Variants in SPTLC1 observed in about 807,000 individuals in gnomAD.
SPTLC1 encodes serine palmitoyltransferase 1.
Under a neutral mutation model 68.9 loss-of-function variants are expected in SPTLC1, and 55 were observed. That is an observed-to-expected ratio of 0.80 (90% confidence interval 0.64 to 1.00). The LOEUF (loss-of-function observed/expected upper bound fraction) is 1.00, where lower values mean the gene tolerates loss of function less well. SPTLC1 is among the 50% of genes least tolerant of loss of function. The pLI is 0.00. For synonymous variants in SPTLC1, 197 were observed against 201.6 expected, an observed-to-expected ratio of 0.98 and a Z score of 0.19; for missense variants, 449 against 573.1, an observed-to-expected ratio of 0.78 and a Z score of 2.21.
chr9:92,057,585 C>T (rs551454846), intron 7 of SPTLC1, among the ~76,000 whole-genome samples: 1 of 152,210 alleles, frequency 6.6e-6, no homozygotes, highest in Non-Finnish European at 1.5e-5. Flanking sequence ...CTATTTTTCA[C>T]TTGTTCATAG....
intron 6 of SPTLC1, among the ~76,000 whole-genome samples, chr9:92,065,521 T>TAA (rs548936800): frequency 6.8e-6 from 1 of 146,068 alleles, no homozygotes; most frequent in Admixed American, 6.8e-5. Flanking sequence ...TCCTAGCAGT[T>TAA]AAAAAAAAAA....
At chr9:92,091,953 G>C (rs964158219) in intron 3 of SPTLC1, among the ~76,000 whole-genome samples, 2 of 152,220 alleles carry the variant, frequency 1.3e-5, no homozygotes, top group East Asian at 3.9e-4. Flanking sequence ...CATTCAAAAC[G>C]ATGTAAAAAT....
chr9:92,104,972 C>A, intron 3 of SPTLC1: 1 of 1,533,198 alleles, frequency 6.5e-7, no homozygotes, highest in Non-Finnish European at 8.7e-7. Context: ...GCCTGACCCA[C>A]TTCCAACAGT....
At chr9:92,075,478 C>T (rs1488651273) in intron 5 of SPTLC1, among the ~76,000 whole-genome samples, 3 of 152,182 alleles carry the variant, frequency 2.0e-5, no homozygotes, top group African/African-American at 7.2e-5. Context: ...CGCTTCCCGA[C>T]TCCTCCCAAC....
intron 12 of SPTLC1, among the ~76,000 whole-genome samples, chr9:92,043,977 T>C (rs571757096): frequency 1.3e-5 from 2 of 152,236 alleles, no homozygotes; most frequent in East Asian, 3.9e-4. Flanking sequence ...TTGGCCTCTT[T>C]GCTATTTTGT....
intron 6 of SPTLC1, among the ~76,000 whole-genome samples, chr9:92,065,580 A>G (rs1834249914): frequency 6.6e-6 from 1 of 152,160 alleles, no homozygotes; most frequent in African/African-American, 2.4e-5. Flanking sequence ...ACCAGTAACC[A>G]TCAACTTTTT....
chr9:92,072,957 C>A (rs543162841), intron 5 of SPTLC1, among the ~76,000 whole-genome samples: 1 of 151,878 alleles, frequency 6.6e-6, no homozygotes, highest in African/African-American at 2.4e-5. Flanking sequence ...CTTTCTCCCC[C>A]CAACCCACCT....
In SPTLC1 at chr9:92,031,650, T is replaced by C. The variant is rs1832968637; in HGVS notation, c.*815A>G. The C allele has an allele frequency of 6.6e-6, 1 of 152,540 alleles. No individual in the cohort carries two copies. The highest frequency in any genetic ancestry group is 1.5e-5 in the Non-Finnish European group (1 of 68,014). 9.4% of individuals were successfully genotyped at this position (152,540 alleles called of 1,614,324 possible). A position where few individuals can be genotyped will look rare whatever the true frequency, so the allele number is the denominator to read the frequency against. ...AAAAAGGAATACATTTGAGATATTC[T>C]AAAATATAAAGGATATGATTTATAT... On this transcript the variant is annotated 3_prime_UTR_variant, in exon 15 of 15. Coordinates refer to ENST00000262554, the MANE Select transcript of SPTLC1 (RefSeq NM_006415.4).
intron 2 of SPTLC1, chr9:92,109,250 C>T (rs1475180887): frequency 1.5e-5 from 3 of 203,830 alleles, no homozygotes; most frequent in East Asian, 1.1e-4. Context: ...AAAAGGCCTC[C>T]GATACAGGAT....
chr9:92,039,987 A>G (rs929522544), intron 12 of SPTLC1, among the ~76,000 whole-genome samples: 5 of 152,074 alleles, frequency 3.3e-5, no homozygotes, highest in Non-Finnish European at 5.9e-5. Context: ...CACTTTGAAA[A>G]CCCATTTCCT....
At position 92,071,465 on chromosome 9, in the gene SPTLC1, T is replaced by C. The variant is rs545555654; in HGVS notation, c.428-3367A>G. On this transcript the variant is annotated intron_variant, in intron 5 of 14. Coordinates refer to ENST00000262554, the MANE Select transcript of SPTLC1 (RefSeq NM_006415.4). The stretch of plus-strand genomic sequence containing the variant: ...TGCACAATTTTTCTTCTTAAGAGTA[T>C]AAGTGATAGCCCTTAGGTACTCACT... 4.6e-5 allele frequency among the ~76,000 whole-genome samples: 7 copies of C among 152,312 alleles called. No individual in the cohort carries two copies. In the South Asian group the frequency reaches 1.2e-3, roughly 27 times the overall value.
intron 5 of SPTLC1, among the ~76,000 whole-genome samples, chr9:92,073,692 G>A (rs1198963613): frequency 1.3e-5 from 2 of 152,128 alleles, no homozygotes; most frequent in Non-Finnish European, 2.9e-5. Context: ...TTAGAGTCTG[G>A]CCCTCAAACC....
chr9:92,046,155 C>T lies in SPTLC1; in HGVS notation c.1082-102G>A, dbSNP rs1833506975. The T allele has an allele frequency of 3.0e-5, 30 of 994,888 alleles. No homozygotes were observed. In the South Asian group the frequency reaches 3.2e-4, roughly 10 times the overall value. The allele number at this position is 994,888 out of a possible 1,614,324, so 61.6% of individuals were successfully genotyped here. On this transcript the variant is annotated intron_variant, in intron 11 of 14. Transcript: ENST00000262554. ...AGATCAAGTTCATCAATTTAAAATG[C>T]TACAAATCCTTCTACATACTAACAG...
intron 3 of SPTLC1, among the ~76,000 whole-genome samples, chr9:92,088,389 G>A (rs1250467509): frequency 1.3e-5 from 2 of 152,184 alleles, no homozygotes; most frequent in Non-Finnish European, 2.9e-5. Context: ...GGCTATCTTG[G>A]CTGCCCTCCG....
intron 6 of SPTLC1, among the ~76,000 whole-genome samples, chr9:92,062,694 G>A (rs1834147330): frequency 6.6e-6 from 1 of 152,142 alleles, no homozygotes; most frequent in Non-Finnish European, 1.5e-5. Context: ...GTGTAAGCTG[G>A]GCATAGTGGT....
chr9:92,060,514 C>A (rs1043173005), intron 6 of SPTLC1, among the ~76,000 whole-genome samples: 5 of 152,080 alleles, frequency 3.3e-5, no homozygotes, highest in African/African-American at 1.2e-4. Context: ...GATATCAGAA[C>A]TGAAAAACTA....
intron 6 of SPTLC1, among the ~76,000 whole-genome samples, chr9:92,063,459 C>A (rs1315205660): frequency 5.3e-5 from 8 of 152,062 alleles, no homozygotes; most frequent in African/African-American, 1.9e-4. Flanking sequence ...AAAAGTAATT[C>A]TATACAAATA....
intron 3 of SPTLC1, 96 bp from the exon 4 acceptor site, chr9:92,081,059 T>C: frequency 6.8e-6 from 6 of 887,624 alleles, no homozygotes; most frequent in Non-Finnish European, 1.1e-5. Flanking sequence ...AGTGTTGTCA[T>C]CCTACCCTAT....
intron 3 of SPTLC1, among the ~76,000 whole-genome samples, chr9:92,082,818 G>C (rs1834940741): frequency 6.6e-6 from 1 of 150,574 alleles, no homozygotes; most frequent in Admixed American, 6.6e-5. Flanking sequence ...TCGCCACACT[G>C]ACTTCCACAA....
Sources: allele counts gnomAD v4.1 joint callset (sites outside exome capture counted in the v4.1 genomes callset), GRCh38; gene constraint gnomAD v4.1.1; transcripts MANE v1.5; gene names NCBI Gene and HGNC (gene_info 2026-07-23, HGNC 2026-07-21).